The following NRXN3 variants were observed in gnomAD, a reference collection of about 807,000 sequenced individuals.
The protein encoded by NRXN3 is neurexin 3.
In NRXN3, 32 loss-of-function variants were observed where a neutral mutation model predicts 137.6. That is an observed-to-expected ratio of 0.23 (90% CI 0.18 to 0.31). The LOEUF (loss-of-function observed/expected upper bound fraction) is 0.31, where lower values mean the gene tolerates loss of function less well. Ranked by LOEUF, NRXN3 falls within the 10% of genes least tolerant of loss-of-function variation. The probability of loss-of-function intolerance (pLI) is 1.00; values close to 1 mark genes in which losing one functional copy is unlikely to be tolerated. For missense variants in NRXN3, 1,574 were observed against 2,062.5 expected (o/e 0.76, Z 4.59); for synonymous variants, 798 against 784.5 (o/e 1.02, Z -0.29).
At chr14:79,185,570 A>G (rs2063438084) in intron 15 of NRXN3, among the ~76,000 whole-genome samples, 3 of 150,674 alleles carry the variant, frequency 2.0e-5, no homozygotes, top group Non-Finnish European at 1.5e-5. Context: ...GGTTCACGCC[A>G]TTCTCCTGCC....
At chr14:78,174,455 A>G (rs1433841041) in intron 1 of NRXN3, among the ~76,000 whole-genome samples, 1 of 151,872 alleles carries the variant, frequency 6.6e-6, no homozygotes, top group South Asian at 2.1e-4. Flanking sequence ...TCTCCTCTCT[A>G]CAGATGATTC....
At chr14:79,743,147 G>A (rs921937688) in intron 19 of NRXN3, among the ~76,000 whole-genome samples, 1 of 152,054 alleles carries the variant, frequency 6.6e-6, no homozygotes, top group Admixed American at 6.6e-5. Context: ...ACTTTTGTAT[G>A]TTTCATATTT....
intron 15 of NRXN3, among the ~76,000 whole-genome samples, chr14:79,291,570 A>G (rs1292158262): frequency 6.7e-6 from 1 of 149,546 alleles, no homozygotes; most frequent in African/African-American, 2.5e-5. Flanking sequence ...AGTTTGAGTC[A>G]GTTGCCTAAG....
intron 15 of NRXN3, among the ~76,000 whole-genome samples, chr14:79,367,662 T>TA (rs2093946526): frequency 1.3e-5 from 2 of 152,286 alleles, no homozygotes; most frequent in South Asian, 2.1e-4. Context: ...TATTATTTTT[T>TA]AAAAAATAAA....
intron 16 of NRXN3, among the ~76,000 whole-genome samples, chr14:79,566,355 C>T (rs1178784543): frequency 6.6e-6 from 1 of 151,924 alleles, no homozygotes; most frequent in Non-Finnish European, 1.5e-5. Context: ...CCTTTGAGGC[C>T]CTACCTCCCA....
chr14:78,350,065 A>G (rs1387254782), intron 4 of NRXN3, among the ~76,000 whole-genome samples: 1 of 152,166 alleles, frequency 6.6e-6, no homozygotes, highest in Non-Finnish European at 1.5e-5. Flanking sequence ...AGGCAGGTGG[A>G]TCACCTGATG....
At chr14:78,199,027 G>T (rs898949456) in intron 1 of NRXN3, among the ~76,000 whole-genome samples, 2 of 152,204 alleles carry the variant, frequency 1.3e-5, no homozygotes, top group African/African-American at 4.8e-5. Flanking sequence ...GAACATTCTA[G>T]TGATGGCAGA....
intron 20 of NRXN3, among the ~76,000 whole-genome samples, chr14:79,849,463 C>T (rs1255252794): frequency 6.6e-6 from 1 of 152,132 alleles, no homozygotes; most frequent in African/African-American, 2.4e-5. Flanking sequence ...AATAGACATT[C>T]CTCTAAAGGA....
In NRXN3 at chr14:78,666,647, C is replaced by T. The variant is rs373449693; in HGVS notation, c.1221+15321C>T. 7.2e-5 allele frequency among the ~76,000 whole-genome samples: 11 copies of T among 152,262 alleles called. No individual in the cohort carries two copies. In the East Asian group the frequency reaches 1.4e-3, roughly 19 times the overall value. On this transcript the variant is annotated intron_variant, in intron 6 of 20. Transcript: ENST00000335750. ...CAAACACAAAATTCCCTTGGCAATG[C>T]CCTGTATATTTCTGACTCATCTCTG... is the stretch of plus-strand genomic sequence containing the variant.
chr14:78,786,788 G>GTTGATT (rs1471993032), intron 8 of NRXN3, among the ~76,000 whole-genome samples: 9 of 152,054 alleles, frequency 5.9e-5, no homozygotes, highest in Middle Eastern at 3.2e-3. Context: ...TCACAACATT[G>GTTGATT]TTGATTTTGT....
At chr14:78,952,142 A>G (rs550691082) in intron 10 of NRXN3, among the ~76,000 whole-genome samples, 1 of 152,284 alleles carries the variant, frequency 6.6e-6, no homozygotes, top group South Asian at 2.1e-4. Context: ...TATGGCAGCT[A>G]TTCCTGAGCC....
At chr14:79,119,396 C>T (rs1385958466) in intron 15 of NRXN3, among the ~76,000 whole-genome samples, 7 of 152,044 alleles carry the variant, frequency 4.6e-5, no homozygotes, top group African/African-American at 7.2e-5. Context: ...GACATAATTG[C>T]CTTTCCCAAA....
At chr14:78,375,460 C>G (rs1247989396) in intron 4 of NRXN3, among the ~76,000 whole-genome samples, 1 of 152,078 alleles carries the variant, frequency 6.6e-6, no homozygotes, top group African/African-American at 2.4e-5. Context: ...TGGATACTTT[C>G]TAGTTTGTCA....
chr14:79,519,097 T>A (rs1293256554), intron 16 of NRXN3, among the ~76,000 whole-genome samples: 1 of 152,142 alleles, frequency 6.6e-6, no homozygotes, highest in Non-Finnish European at 1.5e-5. Context: ...GACAACTTCC[T>A]CCATTTCATC....
chr14:79,443,193 C>T (rs2095997026), intron 15 of NRXN3, among the ~76,000 whole-genome samples: 1 of 152,212 alleles, frequency 6.6e-6, no homozygotes, highest in South Asian at 2.1e-4. Flanking sequence ...ATTTGACTTC[C>T]TCCTTGCACA....
At chr14:79,336,302 GA>G (rs1002044658) in intron 15 of NRXN3, among the ~76,000 whole-genome samples, 2 of 151,216 alleles carry the variant, frequency 1.3e-5, no homozygotes, top group Admixed American at 6.6e-5. Flanking sequence ...AAGAGAAGCA[GA>G]AAAAAAAATC....
At chr14:78,285,676 A>C (rs1220462823) in intron 3 of NRXN3, among the ~76,000 whole-genome samples, 7 of 152,216 alleles carry the variant, frequency 4.6e-5, no homozygotes, top group Non-Finnish European at 1.0e-4. Context: ...TGAATGAATC[A>C]ACAGTGCTTA....
chr14:79,285,693 A>G (rs1198701986), intron 15 of NRXN3, among the ~76,000 whole-genome samples: 6 of 152,082 alleles, frequency 3.9e-5, no homozygotes, highest in Admixed American at 1.3e-4. Context: ...ATCAGATTGG[A>G]TTAGGGTCCT....
At chr14:78,174,335 C>G (rs577136850) in intron 1 of NRXN3, among the ~76,000 whole-genome samples, 2 of 152,180 alleles carry the variant, frequency 1.3e-5, no homozygotes, top group East Asian at 1.9e-4. Flanking sequence ...CACACCAACA[C>G]GCACAGCTCT....
Sources: allele counts gnomAD v4.1 joint callset (sites outside exome capture counted in the v4.1 genomes callset), GRCh38; gene constraint gnomAD v4.1.1; transcripts MANE v1.5; gene names NCBI Gene and HGNC (gene_info 2026-07-23, HGNC 2026-07-21).